The following RIMS2 variants were observed in gnomAD, a reference collection of about 807,000 sequenced individuals.
RIMS2 encodes regulating synaptic membrane exocytosis protein 2.
A neutral mutation model predicts 174.4 loss-of-function variants in RIMS2; 59 were observed. The ratio of observed to expected loss-of-function variants is 0.34; its 90% CI spans 0.27 to 0.42. The LOEUF is 0.42. RIMS2 is among the 10% of genes least tolerant of loss of function. The pLI is 1.00. For missense variants in RIMS2, 1,620 were observed against 1,666.3 expected (o/e 0.97, Z 0.48); for synonymous variants, 606 against 572.5 (o/e 1.06, Z -0.84).
At chr8:104,110,242 T>G (rs1162195150) in intron 19 of RIMS2, among the ~76,000 whole-genome samples, 6 of 152,048 alleles carry the variant, frequency 3.9e-5, no homozygotes, top group Admixed American at 3.9e-4. Flanking sequence ...GTGATAAAAA[T>G]TATACCGTAT....
chr8:103,576,654 A>G (rs1454784445), intron 1 of RIMS2, among the ~76,000 whole-genome samples: 1 of 152,250 alleles, frequency 6.6e-6, no homozygotes, highest in Non-Finnish European at 1.5e-5. Flanking sequence ...TAGAGGCATC[A>G]TGCTACCTGA....
chr8:103,951,988 A>T (rs963875228), intron 14 of RIMS2, among the ~76,000 whole-genome samples: 17 of 152,188 alleles, frequency 1.1e-4, no homozygotes, highest in Non-Finnish European at 1.8e-4. Context: ...AGCGGCCAGG[A>T]AGTTTGAACT....
At chr8:104,048,435 A>T (rs1419517491) in intron 19 of RIMS2, among the ~76,000 whole-genome samples, 6 of 152,118 alleles carry the variant, frequency 3.9e-5, no homozygotes, top group African/African-American at 1.2e-4. Flanking sequence ...AAAAAATTAT[A>T]AAAAAACCAT....
intron 1 of RIMS2, among the ~76,000 whole-genome samples, chr8:103,623,894 T>C (rs1206077829): frequency 6.6e-6 from 1 of 152,088 alleles, no homozygotes; most frequent in East Asian, 1.9e-4. Context: ...TATCCTCTGA[T>C]GACCTTCAGC....
At chr8:103,888,413 T>A (rs553073283) in intron 4 of RIMS2, among the ~76,000 whole-genome samples, 96 of 151,632 alleles carry the variant, frequency 6.3e-4, no homozygotes, top group African/African-American at 2.2e-3. Flanking sequence ...TAAGCTGTAG[T>A]ACTTCCTTAA....
chr8:103,595,228 T>C (rs561721227), intron 1 of RIMS2, among the ~76,000 whole-genome samples: 1 of 152,014 alleles, frequency 6.6e-6, no homozygotes, highest in East Asian at 1.9e-4. Flanking sequence ...AATATTAATA[T>C]CTATTTGAAG....
intron 19 of RIMS2, among the ~76,000 whole-genome samples, chr8:104,235,525 G>A (rs1035066313): frequency 1.3e-5 from 2 of 152,064 alleles, no homozygotes; most frequent in African/African-American, 4.8e-5. Context: ...GAATTGAGTA[G>A]TTGAGTTTTT....
intron 16 of RIMS2, among the ~76,000 whole-genome samples, chr8:103,986,858 A>G (rs990509924): frequency 1.5e-4 from 22 of 150,820 alleles, no homozygotes; most frequent in African/African-American, 4.9e-4. Context: ...GGGCAAGAAG[A>G]GTGAAACTCC....
At position 103,743,322 on chromosome 8, in the gene RIMS2, G is replaced by T. The variant is rs529738911; in HGVS notation, c.388-22905G>T. Among the ~76,000 whole-genome samples, 10 of 152,214 alleles carry T rather than the reference G, an allele frequency of 6.6e-5. No homozygotes were observed. In the South Asian group the frequency reaches 1.9e-3, roughly 28 times the overall value. Reference sequence around the variant, plus strand: ...AATGAATACTTTAGAGATCTATTGGGAAACTAAGTTAAGAAAATTATGATG... The same window carrying T: ...AATGAATACTTTAGAGATCTATTGGTAAACTAAGTTAAGAAAATTATGATG... On this transcript the variant is annotated intron_variant, in intron 2 of 23. Transcript: ENST00000504942.
At chr8:103,629,394 G>A (rs770503191) in intron 1 of RIMS2, among the ~76,000 whole-genome samples, 4 of 152,172 alleles carry the variant, frequency 2.6e-5, no homozygotes, top group African/African-American at 9.7e-5. Context: ...AATAACTCCC[G>A]GATTTTAGAT....
chr8:103,502,397 G>T (rs987438613), intron 1 of RIMS2, among the ~76,000 whole-genome samples: 1 of 152,082 alleles, frequency 6.6e-6, no homozygotes, highest in Admixed American at 6.5e-5. Flanking sequence ...CTTAGAGAAA[G>T]ATACTATTTC....
chr8:104,220,979 G>C (rs186369618), intron 19 of RIMS2, among the ~76,000 whole-genome samples: 96 of 152,138 alleles, frequency 6.3e-4, no homozygotes, highest in Admixed American at 1.4e-3. Context: ...CTTAAGTTAG[G>C]GATGTCCAGT....
chr8:104,167,689 C>G (rs2098806028), intron 19 of RIMS2, among the ~76,000 whole-genome samples: 1 of 151,888 alleles, frequency 6.6e-6, no homozygotes, highest in Non-Finnish European at 1.5e-5. Flanking sequence ...CTGGGTCCCA[C>G]CTATTTATCT....
chr8:104,180,306 G>C (rs2098932511), intron 19 of RIMS2, among the ~76,000 whole-genome samples: 4 of 150,624 alleles, frequency 2.7e-5, no homozygotes, highest in Admixed American at 1.3e-4. Flanking sequence ...GAGAATATGA[G>C]AGAACTTATT....
rs562800233 is a variant in RIMS2 at position 103,728,352 on chromosome 8, A to G, written c.387+31056A>G. On this transcript the variant is annotated intron_variant, in intron 2 of 23. Transcript: ENST00000504942. ...TTTGGTGGAGTCTTTAGGTTTTTCC[A>G]GATGAATGAGATCATCTGTAAACAA... Among the ~76,000 whole-genome samples, 18 of 152,276 alleles carry G rather than the reference A, an allele frequency of 1.2e-4. No individual in the cohort carries two copies. The East Asian group carries it at 3.5e-3, about 29-fold the overall frequency.
intron 19 of RIMS2, among the ~76,000 whole-genome samples, chr8:104,065,321 A>G (rs981750381): frequency 2.0e-5 from 3 of 152,126 alleles, no homozygotes; most frequent in African/African-American, 7.2e-5. Flanking sequence ...CCTTTCCTCA[A>G]CTAGTGAACA....
intron 1 of RIMS2, among the ~76,000 whole-genome samples, chr8:103,549,025 C>T (rs945686031): frequency 2.6e-5 from 4 of 152,008 alleles, no homozygotes; most frequent in African/African-American, 4.8e-5. Context: ...AGAGATACCA[C>T]AGACAAATGG....
chr8:103,506,459 C>T (rs1185167661), intron 1 of RIMS2, among the ~76,000 whole-genome samples: 1 of 151,972 alleles, frequency 6.6e-6, no homozygotes, highest in Non-Finnish European at 1.5e-5. Flanking sequence ...TGAGTTTCCT[C>T]ATCTATACTA....
intron 3 of RIMS2, among the ~76,000 whole-genome samples, chr8:103,789,551 C>T (rs1432847660): frequency 6.6e-6 from 1 of 152,128 alleles, no homozygotes; most frequent in Non-Finnish European, 1.5e-5. Flanking sequence ...ATCATATTCA[C>T]AGATCCTGCC....
Sources: allele counts gnomAD v4.1 joint callset (sites outside exome capture counted in the v4.1 genomes callset), GRCh38; gene constraint gnomAD v4.1.1; transcripts MANE v1.5; gene names NCBI Gene and HGNC (gene_info 2026-07-23, HGNC 2026-07-21).